Variants in TYW1B observed in about 807,000 individuals in gnomAD.
The protein encoded by TYW1B is S-adenosyl-L-methionine-dependent tRNA 4-demethylwyosine synthase TYW1B.
In TYW1B, 73 loss-of-function variants were observed where a neutral mutation model predicts 86.9. That is an observed-to-expected ratio of 0.84 (90% CI 0.70 to 1.02). TYW1B has a LOEUF of 1.02. TYW1B is among the 50% of genes least tolerant of loss of function. The probability of loss-of-function intolerance (pLI) is 0.00; values close to 1 mark genes in which losing one functional copy is unlikely to be tolerated. For synonymous variants in TYW1B, 248 were observed against 292.8 expected (o/e 0.85, Z 1.56); for missense variants, 637 against 827.4 (o/e 0.77, Z 2.82).
At position 72,692,205 on chromosome 7, in the gene TYW1B, CAAAAAAAA is replaced by C. The variant is rs1168197742; in HGVS notation, c.1506+2474_1506+2481del. On this transcript the variant is annotated intron_variant, in intron 11 of 13. Coordinates refer to ENST00000620995, the MANE Select transcript of TYW1B (RefSeq NM_001145440.3). ...TAGGCAACAGAAAGAGACTCCATCTCAAAAAAAAAAAAAAAAAAAAAAAGAAGAAAGAA... is the reference window on the plus strand; with the variant it reads ...TAGGCAACAGAAAGAGACTCCATCTCAAAAAAAAAAAAAAAGAAGAAAGAA... Among the ~76,000 whole-genome samples, 59 of 62,800 alleles carry C rather than the reference CAAAAAAAA, an allele frequency of 9.4e-4. No homozygotes were observed. In the South Asian group the frequency reaches 0.031, roughly 33 times the overall value. 41.2% of individuals were successfully genotyped at this position (62,800 alleles called of 152,430 possible).
chr7:72,784,288 G>A (rs1554472087), intron 6 of TYW1B, among the ~76,000 whole-genome samples: 1 of 152,158 alleles, frequency 6.6e-6, no homozygotes, highest in East Asian at 1.9e-4. Flanking sequence ...TCCTCCCTGG[G>A]GAAGCAGCCA....
intron 6 of TYW1B, among the ~76,000 whole-genome samples, chr7:72,794,412 C>T (rs538782117): frequency 1.3e-5 from 2 of 152,086 alleles, no homozygotes; most frequent in South Asian, 2.1e-4. Flanking sequence ...AAAAATTAGC[C>T]GGGCGTGGTG....
intron 11 of TYW1B, among the ~76,000 whole-genome samples, chr7:72,655,001 G>T (rs1554443417): frequency 6.6e-6 from 1 of 152,116 alleles, no homozygotes; most frequent in Non-Finnish European, 1.5e-5. Context: ...TGGGAATTCT[G>T]TACTATCTTT....
chr7:72,687,515 A>G (rs1814035247), intron 11 of TYW1B, among the ~76,000 whole-genome samples: 1 of 152,168 alleles, frequency 6.6e-6, no homozygotes. Context: ...TGTATTCAGA[A>G]CCACTATTAC....
intron 7 of TYW1B, among the ~76,000 whole-genome samples, chr7:72,759,043 C>A (rs1249655080): frequency 6.6e-6 from 1 of 152,124 alleles, no homozygotes; most frequent in Non-Finnish European, 1.5e-5. Context: ...TTAAAAGCCA[C>A]TAGGTGGCCA....
At chr7:72,654,746 T>C (rs1354352313) in intron 11 of TYW1B, among the ~76,000 whole-genome samples, 2 of 152,082 alleles carry the variant, frequency 1.3e-5, no homozygotes, top group African/African-American at 4.8e-5. Flanking sequence ...CCAGGCGTGG[T>C]GGTTGACACC....
intron 13 of TYW1B, among the ~76,000 whole-genome samples, chr7:72,602,833 A>AACACACACACACACACACACAC (rs55709140): frequency 3.1e-5 from 4 of 128,034 alleles, no homozygotes; most frequent in Admixed American, 8.1e-5. Context: ...AAGTGCTCAA[A>AACACACACACACACACACACAC]ACACACACAC....
intron 7 of TYW1B, among the ~76,000 whole-genome samples, chr7:72,744,832 T>C (rs1787367610): frequency 6.6e-6 from 1 of 152,212 alleles, no homozygotes. Flanking sequence ...CTGAAAACTC[T>C]ACAGGGAGAA....
chr7:72,667,452 C>T (rs535666772), intron 11 of TYW1B, among the ~76,000 whole-genome samples: 6 of 152,320 alleles, frequency 3.9e-5, no homozygotes, highest in East Asian at 1.9e-4. Context: ...CGGTGGCTCA[C>T]GCCTGCAATC....
chr7:72,638,506 T>G (rs1206925602), intron 11 of TYW1B, among the ~76,000 whole-genome samples: 2 of 152,042 alleles, frequency 1.3e-5, no homozygotes, highest in East Asian at 3.9e-4. Flanking sequence ...CTAGGAAAAT[T>G]TTCTCAACTT....
At chr7:72,748,205 C>T (rs1554464201) in intron 7 of TYW1B, among the ~76,000 whole-genome samples, 1 of 151,956 alleles carries the variant, frequency 6.6e-6, no homozygotes, top group East Asian at 1.9e-4. Context: ...GAAGGCAGAG[C>T]TTGCAGTGAG....
At chr7:72,584,688 T>C (rs574388223) in intron 13 of TYW1B, among the ~76,000 whole-genome samples, 17 of 152,128 alleles carry the variant, frequency 1.1e-4, no homozygotes, top group Non-Finnish European at 2.2e-4. Flanking sequence ...ACTCCTGACC[T>C]CAGGTGATCT....
intron 10 of TYW1B, among the ~76,000 whole-genome samples, chr7:72,697,325 T>C (rs1554451682): frequency 6.6e-6 from 1 of 151,704 alleles, no homozygotes; most frequent in Non-Finnish European, 1.5e-5. Flanking sequence ...CCCAAGGAAG[T>C]CCAATAAGGA....
At chr7:72,727,168 T>C (rs1787015096) in intron 9 of TYW1B, among the ~76,000 whole-genome samples, 1 of 152,116 alleles carries the variant, frequency 6.6e-6, no homozygotes, top group Non-Finnish European at 1.5e-5. Flanking sequence ...ATATTACGAA[T>C]GAGTGGCCAG....
intron 13 of TYW1B, among the ~76,000 whole-genome samples, chr7:72,578,350 C>T (rs1454861373): frequency 2.6e-5 from 4 of 152,112 alleles, no homozygotes; most frequent in Admixed American, 6.6e-5. Context: ...CTCCTGACCT[C>T]GTGATCCGCC....
At chr7:72,692,429 A>G (rs2960955) in intron 11 of TYW1B, among the ~76,000 whole-genome samples, 1 of 151,958 alleles carries the variant, frequency 6.6e-6, no homozygotes, top group Non-Finnish European at 1.5e-5. Context: ...CAGGAGGATC[A>G]TTTGGGCCCA....
intron 7 of TYW1B, among the ~76,000 whole-genome samples, chr7:72,774,725 C>T (rs529343801): frequency 5.9e-5 from 9 of 151,836 alleles, no homozygotes; most frequent in Admixed American, 2.0e-4. Flanking sequence ...AGTGAGACTC[C>T]GTCTCAAAAT....
At chr7:72,748,067 G>A (rs1405811401) in intron 7 of TYW1B, among the ~76,000 whole-genome samples, 2 of 152,080 alleles carry the variant, frequency 1.3e-5, no homozygotes, top group South Asian at 2.1e-4. Flanking sequence ...TCAGGAGATC[G>A]AGACCGTCCT....
intron 11 of TYW1B, among the ~76,000 whole-genome samples, chr7:72,658,215 C>T (rs559644285): frequency 1.3e-5 from 2 of 151,516 alleles, no homozygotes; most frequent in South Asian, 2.1e-4. Context: ...CGCGCCACTG[C>T]GCTCCAGCCT....
Sources: gnomAD v4.1 joint callset for allele counts (sites outside exome capture counted in the v4.1 genomes callset) on GRCh38, gnomAD v4.1.1 for gene constraint, MANE v1.5 for transcripts, NCBI Gene and HGNC (gene_info 2026-07-23, HGNC 2026-07-21) for gene names.